Variants in ANKS1B observed in about 807,000 individuals in gnomAD.
ANKS1B encodes ankyrin repeat and sterile alpha motif domain-containing protein 1B.
Under a neutral mutation model 148.3 loss-of-function variants are expected in ANKS1B, and 36 were observed. The observed-to-expected ratio is 0.24, with a 90% CI of 0.19 to 0.32. The LOEUF is 0.32. Among genes scored for constraint, ANKS1B ranks in the 10% least tolerant of loss-of-function variants. ANKS1B has a pLI of 1.00. For missense variants in ANKS1B, 1,157 were observed against 1,542.6 expected (o/e 0.75, Z 4.19); for synonymous variants, 542 against 560.8 (o/e 0.97, Z 0.47).
chr12:98,957,832 C>T (rs1388711243), intron 17 of ANKS1B, among the ~76,000 whole-genome samples: 1 of 152,088 alleles, frequency 6.6e-6, no homozygotes, highest in African/African-American at 2.4e-5. Context: ...TTAAAGCCAT[C>T]CCTTAATGCT....
chr12:98,804,953 A>C (rs1434311348), intron 20 of ANKS1B, among the ~76,000 whole-genome samples: 2 of 152,222 alleles, frequency 1.3e-5, no homozygotes, highest in Non-Finnish European at 2.9e-5. Context: ...TTATAATCAA[A>C]GCTTATTTTT....
intron 12 of ANKS1B, among the ~76,000 whole-genome samples, chr12:99,360,710 T>G (rs2092396161): frequency 6.6e-6 from 1 of 152,080 alleles, no homozygotes; most frequent in African/African-American, 2.4e-5. Flanking sequence ...AAAAGATGTG[T>G]GGAATAGAAC....
chr12:99,152,181 T>C (rs769923119), intron 15 of ANKS1B, among the ~76,000 whole-genome samples: 1 of 152,166 alleles, frequency 6.6e-6, no homozygotes, highest in Non-Finnish European at 1.5e-5. Context: ...ATTAATCGCT[T>C]ATGATACTAG....
At position 98,751,738 on chromosome 12, in the gene ANKS1B, G is replaced by A. The variant is rs2153398566; in HGVS notation, c.3580-216C>T. Among the ~76,000 whole-genome samples the A allele has an allele frequency of 6.6e-6, 1 of 152,284 alleles. No individual in the cohort carries two copies. The highest frequency in any genetic ancestry group is 2.1e-4 in the South Asian group (1 of 4,820). ...AGTCATTTGTGAAAAGAAAAATCTT[G>A]GGACCTCAAATCACTAAGACAAACG... On this transcript the variant is annotated intron_variant, in intron 25 of 26. Transcript: ENST00000683438. The surrounding 1 kb of genome is among the most constrained non-coding windows in gnomAD (Gnocchi z 4.3).
intron 17 of ANKS1B, among the ~76,000 whole-genome samples, chr12:98,934,628 C>G (rs2152981286): frequency 6.6e-6 from 1 of 151,958 alleles, no homozygotes; most frequent in East Asian, 1.9e-4. Context: ...TTGTTTGTTT[C>G]TTGTTTTATT....
chr12:99,058,963 T>C (rs1258938439), intron 16 of ANKS1B, among the ~76,000 whole-genome samples: 1 of 151,558 alleles, frequency 6.6e-6, no homozygotes, highest in African/African-American at 2.4e-5. Context: ...GGTCTCGATC[T>C]CCTGACCTCG....
intron 12 of ANKS1B, among the ~76,000 whole-genome samples, chr12:99,336,697 G>A (rs549247881): frequency 6.6e-5 from 10 of 152,018 alleles, no homozygotes; most frequent in Non-Finnish European, 1.5e-4. Flanking sequence ...ATTTATTTCT[G>A]GGTTCTCTAT....
chr12:99,845,633 T>C (rs2086541286), intron 1 of ANKS1B, among the ~76,000 whole-genome samples: 1 of 152,208 alleles, frequency 6.6e-6, no homozygotes, highest in East Asian at 1.9e-4. Flanking sequence ...TGGTAATTTG[T>C]TGAGAATTTT....
chr12:98,920,677 G>A (rs1173458207), intron 17 of ANKS1B, among the ~76,000 whole-genome samples: 2 of 152,158 alleles, frequency 1.3e-5, no homozygotes, highest in African/African-American at 2.4e-5. Context: ...TGAGATTTGG[G>A]TGGGGACACA....
At chr12:99,078,631 T>C (rs1371022620) in intron 16 of ANKS1B, among the ~76,000 whole-genome samples, 1 of 152,202 alleles carries the variant, frequency 6.6e-6, no homozygotes, top group Non-Finnish European at 1.5e-5. Flanking sequence ...GGGTGTTTTT[T>C]TCCTTGTAGT....
At position 98,869,464 on chromosome 12, in the gene ANKS1B, C is replaced by G. The variant is rs564917673; in HGVS notation, c.2779-37328G>C. On this transcript the variant is annotated intron_variant, in intron 17 of 26. Transcript: ENST00000683438. ...TGGGTGACAAAGGAACTGTGAGACCCTGGATGGAGTTACAACCCGAAGATA... is the reference window on the plus strand; with the variant it reads ...TGGGTGACAAAGGAACTGTGAGACCGTGGATGGAGTTACAACCCGAAGATA... Among the ~76,000 whole-genome samples, 11 of 152,176 alleles carry G rather than the reference C, an allele frequency of 7.2e-5. No homozygotes were observed. In the South Asian group the frequency reaches 1.7e-3, roughly 23 times the overall value.
chr12:98,828,263 A>G (rs2099266750), intron 19 of ANKS1B, among the ~76,000 whole-genome samples: 1 of 152,190 alleles, frequency 6.6e-6, no homozygotes, highest in Non-Finnish European at 1.5e-5. Context: ...GTCTCTCGTG[A>G]GCTGCAGCAT....
At chr12:99,572,658 T>C (rs1228815535) in intron 9 of ANKS1B, among the ~76,000 whole-genome samples, 1 of 152,088 alleles carries the variant, frequency 6.6e-6, no homozygotes, top group Non-Finnish European at 1.5e-5. Context: ...GTGAGATAAA[T>C]ATAAAATTTC....
chr12:99,902,694 G>A (rs1271373269), intron 1 of ANKS1B, among the ~76,000 whole-genome samples: 5 of 151,882 alleles, frequency 3.3e-5, no homozygotes, highest in Admixed American at 6.6e-5. Context: ...CAAAAGTCAG[G>A]GTTCAAGAAT....
At chr12:99,008,632 G>C (rs535264153) in intron 17 of ANKS1B, among the ~76,000 whole-genome samples, 1 of 152,248 alleles carries the variant, frequency 6.6e-6, no homozygotes, top group South Asian at 2.1e-4. Flanking sequence ...AGTTCTGAAG[G>C]CTTGATTACT....
intron 8 of ANKS1B, among the ~76,000 whole-genome samples, chr12:99,736,085 C>A (rs1360505659): frequency 6.6e-6 from 1 of 151,904 alleles, no homozygotes. Flanking sequence ...AAATTCTCAA[C>A]AAGCTAGCAT....
intron 14 of ANKS1B, among the ~76,000 whole-genome samples, chr12:99,192,688 C>T (rs981228772): frequency 6.6e-6 from 1 of 151,774 alleles, no homozygotes; most frequent in African/African-American, 2.4e-5. Context: ...ATATATGTTG[C>T]CCAAAATAAA....
chr12:99,732,568 G>A (rs1038433512), intron 8 of ANKS1B, among the ~76,000 whole-genome samples: 1 of 152,284 alleles, frequency 6.6e-6, no homozygotes, highest in Admixed American at 6.5e-5. Flanking sequence ...CAAATGTGTG[G>A]TTGCCTCAGG....
At chr12:98,894,938 C>G (rs2099761445) in intron 17 of ANKS1B, 1 of 887,544 alleles carries the variant, frequency 1.1e-6, no homozygotes, top group Non-Finnish European at 1.3e-6. Flanking sequence ...CACCCCCCGC[C>G]GCGCGCCCTC....
Sources: allele counts gnomAD v4.1 joint callset (sites outside exome capture counted in the v4.1 genomes callset), GRCh38; gene constraint gnomAD v4.1.1; non-coding constraint Gnocchi (gnomAD v3.1); transcripts MANE v1.5; gene names NCBI Gene and HGNC (gene_info 2026-07-23, HGNC 2026-07-21).